Variants in MALRD1 observed in about 807,000 individuals in gnomAD.
The protein encoded by MALRD1 is MAM and LDL receptor class A domain containing 1.
MALRD1 carries 247 observed loss-of-function variants against 242.1 expected under a neutral mutation model. The observed-to-expected ratio is 1.02, with a 90% confidence interval of 0.92 to 1.13. The LOEUF (loss-of-function observed/expected upper bound fraction) is 1.13, where lower values mean the gene tolerates loss of function less well. Ranked by LOEUF, MALRD1 falls within the 50% of genes most tolerant of loss-of-function variation. The pLI is 0.00. For missense variants in MALRD1, 2,989 were observed against 2,533.1 expected (o/e 1.18, Z -3.86); for synonymous variants, 995 against 866.6 (o/e 1.15, Z -2.60).
At chr10:19,632,467 G>A (rs947999316) in intron 36 of MALRD1, among the ~76,000 whole-genome samples, 1 of 152,076 alleles carries the variant, frequency 6.6e-6, no homozygotes, top group African/African-American at 2.4e-5. Flanking sequence ...AGTGATGCTG[G>A]TGAATCTTTT....
intron 4 of MALRD1, among the ~76,000 whole-genome samples, chr10:19,095,401 C>G (rs1835989915): frequency 6.6e-6 from 1 of 152,132 alleles, no homozygotes. Context: ...CAGAGAAACT[C>G]CCATTGGAAA....
chr10:19,238,498 A>ATTAT lies in MALRD1; in HGVS notation c.2992-19186_2992-19185insTTAT, dbSNP rs1554817785. 1.7e-3 allele frequency among the ~76,000 whole-genome samples: 12 copies of ATTAT among 7,146 alleles called. 3 individuals carry two copies. The South Asian group carries it at 0.033, about 19-fold the overall frequency. The allele number at this position is 7,146 out of a possible 152,430, so 4.7% of individuals were successfully genotyped here. A position where few individuals can be genotyped will look rare whatever the true frequency, so the allele number is the denominator to read the frequency against. On this transcript the variant is annotated intron_variant, in intron 18 of 39. Coordinates refer to ENST00000454679, the MANE Select transcript of MALRD1 (RefSeq NM_001142308.3). ...ATAATATACATTATATATAATATAT[A>ATTAT]ATATAATATATAATGTATATTATAT... is the stretch of plus-strand genomic sequence containing the variant.
chr10:19,197,268 G>A (rs988496523), intron 14 of MALRD1, among the ~76,000 whole-genome samples: 1 of 152,146 alleles, frequency 6.6e-6, no homozygotes, highest in East Asian at 1.9e-4. Context: ...ATGAGATTTT[G>A]GTGGGAACAC....
intron 4 of MALRD1, among the ~76,000 whole-genome samples, chr10:19,099,464 G>A (rs539466620): frequency 1.2e-4 from 18 of 152,134 alleles, no homozygotes; most frequent in Middle Eastern, 3.4e-3. Context: ...TAAAATGTTT[G>A]GGGTGAAAGG....
At chr10:19,146,716 T>G (rs1477274262) in intron 11 of MALRD1, among the ~76,000 whole-genome samples, 1 of 152,234 alleles carries the variant, frequency 6.6e-6, no homozygotes, top group Non-Finnish European at 1.5e-5. Context: ...TTCTGGGAAC[T>G]GAGAACAGAG....
At chr10:19,296,386 C>G (rs954352184) in intron 21 of MALRD1, among the ~76,000 whole-genome samples, 4 of 151,984 alleles carry the variant, frequency 2.6e-5, no homozygotes, top group Admixed American at 2.0e-4. Context: ...GATAGTCTGA[C>G]TTTCCTAGCT....
chr10:19,650,961 GT>G (rs1418953962), intron 36 of MALRD1, among the ~76,000 whole-genome samples: 6 of 152,110 alleles, frequency 3.9e-5, no homozygotes, highest in African/African-American at 4.8e-5. Flanking sequence ...ATCAGGAGTG[GT>G]TTCCAAACCC....
chr10:19,410,671 C>T (rs1284742025), intron 28 of MALRD1, among the ~76,000 whole-genome samples: 1 of 120,222 alleles, frequency 8.3e-6, no homozygotes, highest in African/African-American at 3.2e-5. Context: ...TCCATTCTTC[C>T]TTCCTTCCTT....
At chr10:19,444,872 G>T (rs966939435) in intron 28 of MALRD1, among the ~76,000 whole-genome samples, 10 of 152,154 alleles carry the variant, frequency 6.6e-5, no homozygotes, top group Admixed American at 2.6e-4. Flanking sequence ...CTAGGTTGGG[G>T]AAGTTCTGGA....
intron 5 of MALRD1, among the ~76,000 whole-genome samples, chr10:19,113,828 C>CAG: frequency 2.8e-5 from 4 of 141,590 alleles, no homozygotes; most frequent in African/African-American, 1.0e-4. Context: ...CACACACACA[C>CAG]ACAGACACAC....
chr10:19,272,671 T>A (rs1270768517), intron 19 of MALRD1, among the ~76,000 whole-genome samples: 2 of 152,148 alleles, frequency 1.3e-5, no homozygotes, highest in African/African-American at 4.8e-5. Flanking sequence ...GTCCTAATGC[T>A]ATCCCTCCCC....
At chr10:19,200,242 C>T (rs1181503847) in intron 14 of MALRD1, among the ~76,000 whole-genome samples, 2 of 152,152 alleles carry the variant, frequency 1.3e-5, no homozygotes, top group Admixed American at 1.3e-4. Flanking sequence ...TATGTTCTTT[C>T]TGGTTCATGT....
intron 33 of MALRD1, among the ~76,000 whole-genome samples, chr10:19,585,795 C>G (rs567988918): frequency 1.9e-3 from 282 of 152,242 alleles, no homozygotes; most frequent in African/African-American, 6.7e-3. Flanking sequence ...TGGGGAAGTT[C>G]TCCTGGATAA....
At chr10:19,497,907 T>C (rs1837794304) in intron 30 of MALRD1, among the ~76,000 whole-genome samples, 1 of 152,170 alleles carries the variant, frequency 6.6e-6, no homozygotes, top group Non-Finnish European at 1.5e-5. Context: ...TTTCTCACTG[T>C]GAATAATTTA....
At chr10:19,225,317 A>G (rs796938190) in intron 18 of MALRD1, among the ~76,000 whole-genome samples, 1 of 152,122 alleles carries the variant, frequency 6.6e-6, no homozygotes, top group African/African-American at 2.4e-5. Context: ...TCTGAAAATG[A>G]CACTTCCCAT....
rs75428819 is a variant in MALRD1, at chr10:19,060,559, C to A, written c.200-6160C>A. Among the ~76,000 whole-genome samples, 1,509 of 152,262 alleles carry A rather than the reference C, an allele frequency of 9.9e-3. 80 individuals carry two copies. In the East Asian group the frequency reaches 0.16, roughly 16 times the overall value. ...CAGGGATGGGATCTTCTCACTCTCC[C>A]ATTGTGGTTTTCCAATTCTAATTCT... On this transcript the variant is annotated intron_variant, in intron 1 of 39. Coordinates refer to ENST00000454679, the MANE Select transcript of MALRD1 (RefSeq NM_001142308.3).
chr10:19,205,954 A>G (rs556257451), intron 17 of MALRD1, among the ~76,000 whole-genome samples: 1 of 151,798 alleles, frequency 6.6e-6, no homozygotes, highest in South Asian at 2.1e-4. Context: ...AGAAAAGAAA[A>G]AGTTTGCATC....
chr10:19,251,455 ACTGT>A (rs1839288972), intron 18 of MALRD1, among the ~76,000 whole-genome samples: 1 of 151,902 alleles, frequency 6.6e-6, no homozygotes, highest in South Asian at 2.1e-4. Flanking sequence ...CTATGGTGTG[ACTGT>A]CTGACATGCA....
At chr10:19,484,333 TTC>T (rs1445684180) in intron 29 of MALRD1, among the ~76,000 whole-genome samples, 4 of 152,202 alleles carry the variant, frequency 2.6e-5, no homozygotes, top group African/African-American at 9.6e-5. Flanking sequence ...ATTTTAATAT[TTC>T]TGTTTTAATT....
Sources: allele counts gnomAD v4.1 joint callset (sites outside exome capture counted in the v4.1 genomes callset), GRCh38; gene constraint gnomAD v4.1.1; transcripts MANE v1.5; gene names NCBI Gene and HGNC (gene_info 2026-07-23, HGNC 2026-07-21).